The following GABRA2 variants were observed in gnomAD, a reference collection of about 807,000 sequenced individuals.
The protein encoded by GABRA2 is gamma-aminobutyric acid receptor subunit alpha-2.
GABRA2 carries 16 observed loss-of-function variants against 48.7 expected under a neutral mutation model. The ratio of observed to expected loss-of-function variants is 0.33; its 90% CI spans 0.22 to 0.50. The LOEUF is 0.50. Ranked by LOEUF, GABRA2 falls within the 20% of genes least tolerant of loss-of-function variation. The pLI is 0.98. For synonymous variants in GABRA2, 185 were observed against 184.5 expected (o/e 1.00, Z -0.02); for missense variants, 275 against 535.6 (o/e 0.51, Z 4.80).
chr4:46,350,822 T>C (rs1734993668), intron 3 of GABRA2, among the ~76,000 whole-genome samples: 1 of 151,814 alleles, frequency 6.6e-6, no homozygotes, highest in Non-Finnish European at 1.5e-5. Context: ...GTAGATAACA[T>C]AGTCATGGAG....
chr4:46,328,663 TACATGTGC>T (rs1273587145), intron 4 of GABRA2, among the ~76,000 whole-genome samples: 3 of 152,046 alleles, frequency 2.0e-5, no homozygotes, highest in Non-Finnish European at 4.4e-5. Context: ...AGTTTTAGGG[TACATGTGC>T]ACATTGTGCA....
chr4:46,263,844 A>G (rs557639662), intron 8 of GABRA2, among the ~76,000 whole-genome samples: 1 of 151,896 alleles, frequency 6.6e-6, no homozygotes, highest in South Asian at 2.1e-4. Flanking sequence ...GATATTTGGT[A>G]GTAATGCCAT....
chr4:46,372,556 CTG>C (rs1182591000), intron 3 of GABRA2, among the ~76,000 whole-genome samples: 2 of 152,140 alleles, frequency 1.3e-5, no homozygotes, highest in East Asian at 1.9e-4. Context: ...AGCCACCTAT[CTG>C]TAAAATTCTT....
chr4:46,299,223 A>C (rs1451652102), intron 8 of GABRA2, among the ~76,000 whole-genome samples: 2 of 151,870 alleles, frequency 1.3e-5, no homozygotes, highest in Non-Finnish European at 3.0e-5. Flanking sequence ...TTTGGCAGAC[A>C]TATCCTAATT....
chr4:46,273,874 T>C (rs1487830298), intron 8 of GABRA2, among the ~76,000 whole-genome samples: 2 of 152,060 alleles, frequency 1.3e-5, no homozygotes, highest in Non-Finnish European at 2.9e-5. Context: ...AGCATATCTA[T>C]TCATTTTAAG....
chr4:46,385,733 T>C (rs1717357718), intron 3 of GABRA2, among the ~76,000 whole-genome samples: 1 of 152,094 alleles, frequency 6.6e-6, no homozygotes, highest in Non-Finnish European at 1.5e-5. Flanking sequence ...AAAGTAAATA[T>C]ACTTTCTTTA....
intron 8 of GABRA2, among the ~76,000 whole-genome samples, chr4:46,273,538 A>ATACATATATATATAT (rs1560460626): frequency 4.5e-5 from 1 of 22,148 alleles, no homozygotes; most frequent in African/African-American, 2.0e-4. Flanking sequence ...TATATATATG[A>ATACATATATATATAT]GAGAGAGAGG....
chr4:46,273,648 A>G (rs920375548), intron 8 of GABRA2, among the ~76,000 whole-genome samples: 1 of 151,786 alleles, frequency 6.6e-6, no homozygotes, highest in African/African-American at 2.4e-5. Flanking sequence ...AACAAACAAG[A>G]TAAGATGGAA....
In GABRA2 at chr4:46,306,291, A is replaced by G. The variant is rs534745324; in HGVS notation, c.560-580T>C. ...TAAAATCATGCTCGTTTTTAAATGA[A>G]TCAATGCACACAGATATCACTAGCC... On this transcript the variant is annotated intron_variant, in intron 6 of 9. Transcript: ENST00000381620. Among the ~76,000 whole-genome samples the G allele has an allele frequency of 2.0e-5, 3 of 152,310 alleles. No homozygotes were observed. In the East Asian group the frequency reaches 5.8e-4, roughly 29 times the overall value.
chr4:46,283,452 C>T (rs1040023630), intron 8 of GABRA2, among the ~76,000 whole-genome samples: 1 of 152,274 alleles, frequency 6.6e-6, no homozygotes, highest in Middle Eastern at 3.4e-3. Context: ...GGACCAACTA[C>T]TTGTGGACTT....
intron 4 of GABRA2, among the ~76,000 whole-genome samples, chr4:46,315,247 A>G (rs1056716902): frequency 2.0e-5 from 3 of 149,560 alleles, no homozygotes; most frequent in Non-Finnish European, 3.0e-5. Context: ...GATGTGAAGC[A>G]TTTTTTCATC....
At chr4:46,357,537 A>G (rs1736195092) in intron 3 of GABRA2, among the ~76,000 whole-genome samples, 1 of 151,152 alleles carries the variant, frequency 6.6e-6, no homozygotes, top group East Asian at 1.9e-4. Flanking sequence ...TTCCTCAATC[A>G]TCTATTCAAA....
At chr4:46,299,922 A>G (rs1399529216) in intron 8 of GABRA2, among the ~76,000 whole-genome samples, 12 of 151,888 alleles carry the variant, frequency 7.9e-5, no homozygotes. Context: ...TTTCCTCCTT[A>G]GAAAAGAGAT....
At position 46,377,061 on chromosome 4, in the gene GABRA2, C is replaced by T. The variant is rs1715843571; in HGVS notation, c.187+9013G>A. ...GCTCAATGGTGCCCAGGCTGGAGTG[C>T]AGTGGCGTGATCTCGGCTCGCTACA... On this transcript the variant is annotated intron_variant, in intron 3 of 9. Coordinates refer to ENST00000381620, the MANE Select transcript of GABRA2 (RefSeq NM_000807.4). 2.0e-5 allele frequency among the ~76,000 whole-genome samples: 3 copies of T among 152,092 alleles called. No homozygotes were observed. In the South Asian group the frequency reaches 6.2e-4, roughly 31 times the overall value.
intron 4 of GABRA2, among the ~76,000 whole-genome samples, chr4:46,322,015 C>T (rs73133206): frequency 0.017 from 2,571 of 152,062 alleles, 79 homozygotes; most frequent in African/African-American, 0.059. Flanking sequence ...ACCATACAAA[C>T]GGCATATATT....
intron 4 of GABRA2, among the ~76,000 whole-genome samples, chr4:46,330,591 T>TATATATATATATAGAG (rs1411755120): frequency 2.4e-5 from 3 of 122,686 alleles, no homozygotes; most frequent in Admixed American, 1.9e-4. Context: ...TATATATATA[T>TATATATATATATAGAG]AGAGAGAGAG....
At chr4:46,341,517 A>C (rs1733236745) in intron 3 of GABRA2, among the ~76,000 whole-genome samples, 1 of 152,008 alleles carries the variant, frequency 6.6e-6, no homozygotes, top group African/African-American at 2.4e-5. Context: ...CAGCCATTGA[A>C]GTCTCTGCTA....
intron 8 of GABRA2, among the ~76,000 whole-genome samples, chr4:46,271,262 T>TC (rs1560456916): frequency 6.6e-6 from 1 of 151,758 alleles, no homozygotes. Flanking sequence ...GTGTTGGGTT[T>TC]CCCCCGCTTC....
intron 8 of GABRA2, among the ~76,000 whole-genome samples, chr4:46,295,174 T>C (rs1246891352): frequency 1.3e-5 from 2 of 152,158 alleles, no homozygotes; most frequent in African/African-American, 2.4e-5. Context: ...TTCTAGGACA[T>C]CCCTGAAGGA....
Sources: allele counts gnomAD v4.1 joint callset (sites outside exome capture counted in the v4.1 genomes callset), GRCh38; gene constraint gnomAD v4.1.1; transcripts MANE v1.5; gene names NCBI Gene and HGNC (gene_info 2026-07-23, HGNC 2026-07-21).